The following SMAP1 variants were observed in gnomAD, a reference collection of about 807,000 sequenced individuals.
The protein encoded by SMAP1 is small ArfGAP 1.
In SMAP1, 24 loss-of-function variants were observed where a neutral mutation model predicts 58.5. The ratio of observed to expected loss-of-function variants is 0.41; its 90% CI spans 0.30 to 0.58. SMAP1 has a LOEUF of 0.58. Among genes scored for constraint, SMAP1 ranks in the 20% least tolerant of loss-of-function variants. The probability of loss-of-function intolerance (pLI) is 0.29; values close to 1 mark genes in which losing one functional copy is unlikely to be tolerated. For missense variants in SMAP1, 563 were observed against 566.3 expected (o/e 0.99, Z 0.06); for synonymous variants, 216 against 196.6 (o/e 1.10, Z -0.82).
intron 1 of SMAP1, among the ~76,000 whole-genome samples, chr6:70,678,536 G>C (rs991973707): frequency 6.6e-6 from 1 of 152,196 alleles, no homozygotes; most frequent in Non-Finnish European, 1.5e-5. Flanking sequence ...ATCATCACCA[G>C]TATATTAATT....
At chr6:70,766,579 T>C (rs1766996619) in intron 3 of SMAP1, among the ~76,000 whole-genome samples, 1 of 152,196 alleles carries the variant, frequency 6.6e-6, no homozygotes, top group Admixed American at 6.5e-5. Flanking sequence ...CTTTGCCCAC[T>C]TTTTGATGGG....
In SMAP1 at chr6:70,860,757, A is replaced by G. The variant is rs1381317918; in HGVS notation, c.*423A>G. On this transcript the variant is annotated 3_prime_UTR_variant, in exon 11 of 11. Coordinates refer to ENST00000370455, the MANE Select transcript of SMAP1 (RefSeq NM_001044305.3). Reference sequence around the variant, plus strand: ...ACTGTATGATCAAATGTTTAATCATATAAATAGAATGTAAATGTCTCACTG... The same window carrying G: ...ACTGTATGATCAAATGTTTAATCATGTAAATAGAATGTAAATGTCTCACTG... 1.3e-5 allele frequency: 5 copies of G among 399,860 alleles called. No individual in the cohort carries two copies. The highest frequency in any genetic ancestry group is 2.2e-5 in the Non-Finnish European group (5 of 226,644). The allele number at this position is 399,860 out of a possible 1,614,324, so 24.8% of individuals were successfully genotyped here.
At chr6:70,762,481 G>T (rs1464223586) in intron 3 of SMAP1, among the ~76,000 whole-genome samples, 1 of 152,066 alleles carries the variant, frequency 6.6e-6, no homozygotes, top group East Asian at 1.9e-4. Flanking sequence ...GCTTGCATTT[G>T]GGACCTTGTA....
Position 70,805,950 on chromosome 6 carries a change from C to T in SMAP1, c.576+7213C>T, listed in dbSNP as rs552291144. On this transcript the variant is annotated intron_variant, in intron 6 of 10. Transcript: ENST00000370455. ...TACTGGGAGGTATCTCCCAGTTAGG[C>T]TACACGGGGGTCAGGGACCCACTTG... 6.0e-4 allele frequency among the ~76,000 whole-genome samples: 91 copies of T among 152,282 alleles called. 1 individual carries two copies. In the South Asian group the frequency reaches 0.018, roughly 31 times the overall value.
At chr6:70,746,861 G>A (rs1228116772) in intron 2 of SMAP1, among the ~76,000 whole-genome samples, 3 of 152,054 alleles carry the variant, frequency 2.0e-5, no homozygotes, top group Admixed American at 6.6e-5. Context: ...GCTGATTTAA[G>A]TCTAAATTCT....
At chr6:70,694,607 T>G (rs1767322249) in intron 1 of SMAP1, 1 of 152,674 alleles carries the variant, frequency 6.5e-6, no homozygotes, top group Non-Finnish European at 1.5e-5. Context: ...ACCTAGCCTG[T>G]TAGCCAAGTA....
intron 1 of SMAP1, among the ~76,000 whole-genome samples, chr6:70,708,009 A>G (rs1767905493): frequency 6.6e-6 from 1 of 152,148 alleles, no homozygotes; most frequent in African/African-American, 2.4e-5. Context: ...AGTATATTGC[A>G]GTGTAGTAAC....
In SMAP1 at chr6:70,732,399, A is replaced by G; in HGVS notation, c.140A>G (p.Asn47Ser). ...EAKGPRWASWNIGVFICIRCA... is the reference protein window; with the variant it reads ...EAKGPRWASWSIGVFICIRCA... ...TTAGGTCCTCGATGGGCTTCCTGGAATATTGGTGTGTTTATTTGCATCAGA... is the reference window on the plus strand; with the variant it reads ...TTAGGTCCTCGATGGGCTTCCTGGAGTATTGGTGTGTTTATTTGCATCAGA... The change falls in exon 2 of 11, where the codon AAT becomes AGT. Residue 47 changes from asparagine to serine, a missense_variant. Transcript: ENST00000370455. 6.2e-7 allele frequency: 1 copy of G among 1,609,664 alleles called. No homozygotes were observed. The highest frequency in any genetic ancestry group is 1.3e-5 in the African/African-American group (1 of 74,910).
chr6:70,833,849 C>T (rs548107803), intron 6 of SMAP1, among the ~76,000 whole-genome samples: 1 of 152,252 alleles, frequency 6.6e-6, no homozygotes, highest in Non-Finnish European at 1.5e-5. Context: ...CTAGTGGGCC[C>T]CACCTGCAAT....
chr6:70,809,716 A>G lies in SMAP1; in HGVS notation c.576+10979A>G, dbSNP rs1769303982. On this transcript the variant is annotated intron_variant, in intron 6 of 10. Transcript: ENST00000370455. ...ATACTTTTATAAAAATCATAGAAAC[A>G]TGGTATAGGTGAGTAAATGCAGCAG... is the stretch of plus-strand genomic sequence containing the variant. 2.6e-5 allele frequency among the ~76,000 whole-genome samples: 4 copies of G among 152,224 alleles called. No homozygotes were observed. In the South Asian group the frequency reaches 8.3e-4, roughly 32 times the overall value.
At chr6:70,754,479 A>G (rs888149081) in intron 2 of SMAP1, among the ~76,000 whole-genome samples, 1 of 152,084 alleles carries the variant, frequency 6.6e-6, no homozygotes, top group Non-Finnish European at 1.5e-5. Context: ...TAATAACTCA[A>G]AAGAAATTAA....
intron 1 of SMAP1, among the ~76,000 whole-genome samples, chr6:70,695,126 A>C (rs1019259541): frequency 2.0e-5 from 3 of 152,084 alleles, no homozygotes; most frequent in Non-Finnish European, 4.4e-5. Context: ...TGATTTTTGT[A>C]TATTGATTGT....
chr6:70,803,093 C>T (rs116523651), intron 6 of SMAP1, among the ~76,000 whole-genome samples: 3,102 of 152,230 alleles, frequency 0.02, 90 homozygotes, highest in African/African-American at 0.069. Context: ...ACTAGCTCCT[C>T]GTTGTACCTC....
rs547202336 is a variant in SMAP1 at position 70,802,488 on chromosome 6, G to A, written c.576+3751G>A. On this transcript the variant is annotated intron_variant, in intron 6 of 10. Transcript: ENST00000370455. ...TTTGACTTCCTCTTTTCCTAATTGA[G>A]TACCCTTTATTTTTTTCTGTTGCCT... 1.6e-4 allele frequency among the ~76,000 whole-genome samples: 24 copies of A among 152,166 alleles called. 1 individual carries two copies. The South Asian group carries it at 5.0e-3, about 32-fold the overall frequency.
chr6:70,719,214 A>G (rs1353909525), intron 1 of SMAP1, among the ~76,000 whole-genome samples: 1 of 152,232 alleles, frequency 6.6e-6, no homozygotes, highest in East Asian at 1.9e-4. Context: ...TTTGGTATTC[A>G]TAGCAGTTAC....
intron 1 of SMAP1, among the ~76,000 whole-genome samples, chr6:70,699,336 G>GC (rs1161446162): frequency 6.6e-6 from 1 of 152,188 alleles, no homozygotes; most frequent in Non-Finnish European, 1.5e-5. Flanking sequence ...CACTGGGACT[G>GC]CGCTGGATTA....
chr6:70,730,784 TA>T (rs1447235550), intron 1 of SMAP1, among the ~76,000 whole-genome samples: 1 of 152,104 alleles, frequency 6.6e-6, no homozygotes, highest in South Asian at 2.1e-4. Context: ...AGGCTATGTT[TA>T]AAAAAAGCTT....
intron 1 of SMAP1, among the ~76,000 whole-genome samples, chr6:70,704,788 A>G (rs1450802617): frequency 6.6e-6 from 1 of 152,248 alleles, no homozygotes; most frequent in African/African-American, 2.4e-5. Context: ...TGGACTCTGC[A>G]TCTAATTCAG....
chr6:70,773,760 AAT>A (rs1767430448), intron 4 of SMAP1, among the ~76,000 whole-genome samples: 1 of 152,186 alleles, frequency 6.6e-6, no homozygotes, highest in Admixed American at 6.5e-5. Context: ...AAAAAAGGCA[AAT>A]ATATGTCTTC....
Sources: gnomAD v4.1 joint callset for allele counts (sites outside exome capture counted in the v4.1 genomes callset) on GRCh38, gnomAD v4.1.1 for gene constraint, MANE v1.5 for transcripts, NCBI Gene and HGNC (gene_info 2026-07-23, HGNC 2026-07-21) for gene names.